Variants in CSNK1D observed in about 807,000 individuals in gnomAD.
CSNK1D encodes casein kinase 1 delta.
A neutral mutation model predicts 46.6 loss-of-function variants in CSNK1D; 16 were observed. The observed-to-expected ratio is 0.34, with a 90% CI of 0.23 to 0.52. The LOEUF is 0.52. CSNK1D is among the 20% of genes least tolerant of loss of function. CSNK1D has a pLI of 0.95. For missense variants in CSNK1D, 398 were observed against 578.4 expected (o/e 0.69, Z 3.20); for synonymous variants, 276 against 228.2 (o/e 1.21, Z -1.89).
Position 82,270,130 on chromosome 17 carries a change from T to C in CSNK1D, c.76+3176A>G, listed in dbSNP as rs993774787. 3.3e-5 allele frequency among the ~76,000 whole-genome samples: 5 copies of C among 152,200 alleles called. No individual in the cohort carries two copies. The South Asian group carries it at 6.2e-4, about 19-fold the overall frequency. On this transcript the variant is annotated intron_variant, in intron 1 of 8. Coordinates refer to ENST00000314028, the MANE Select transcript of CSNK1D (RefSeq NM_001893.6). Reference sequence around the variant, plus strand: ...CTGGCAATCTCAGACTGAAGACAGATTGTTCTTTTTGGGGTCCCACTTTCC... The same window carrying C: ...CTGGCAATCTCAGACTGAAGACAGACTGTTCTTTTTGGGGTCCCACTTTCC...
rs570269696 is a variant in CSNK1D, at chr17:82,243,318, C to T, written c.*1463G>A. Reference sequence around the variant, plus strand: ...AGAGTCCAAAGGGAACATCGTCCATCGTGATGGGGTCCAGCCGAAGTGCCC... The same window carrying T: ...AGAGTCCAAAGGGAACATCGTCCATTGTGATGGGGTCCAGCCGAAGTGCCC... On this transcript the variant is annotated 3_prime_UTR_variant, in exon 9 of 9. Transcript: ENST00000314028. 2.7e-5 allele frequency: 27 copies of T among 985,520 alleles called. No individual in the cohort carries two copies. The East Asian group carries it at 1.5e-3, about 54-fold the overall frequency. 61.0% of individuals were successfully genotyped at this position (985,520 alleles called of 1,614,324 possible). A position where few individuals can be genotyped will look rare whatever the true frequency, so the allele number is the denominator to read the frequency against.
intron 1 of CSNK1D, chr17:82,272,434 G>A (rs1029470649): frequency 6.6e-6 from 1 of 152,144 alleles, no homozygotes; most frequent in East Asian, 1.9e-4. Flanking sequence ...TTGTAAATAT[G>A]ACACAACCCA....
chr17:82,251,650 AC>A lies in CSNK1D; in HGVS notation c.737-124del. Reference sequence around the variant, plus strand: ...AAGGGGAGAAGGACAGATGCAAAACACCTGTCAGATTTCTAAGACCTGAAGC... The same window carrying A: ...AAGGGGAGAAGGACAGATGCAAAACACTGTCAGATTTCTAAGACCTGAAGC... On this transcript the variant is annotated intron_variant, in intron 5 of 8. Coordinates refer to ENST00000314028, the MANE Select transcript of CSNK1D (RefSeq NM_001893.6). The surrounding 1 kb of genome is among the most constrained non-coding windows in gnomAD (Gnocchi z 4.5). 1.0e-6 allele frequency: 1 copy of A among 984,792 alleles called. No homozygotes were observed. The highest frequency in any genetic ancestry group is 1.6e-6 in the Non-Finnish European group (1 of 632,196). 61.0% of individuals were successfully genotyped at this position (984,792 alleles called of 1,614,324 possible).
chr17:82,273,565 G>C lies in CSNK1D; in HGVS notation c.-184C>G. 1.4e-6 allele frequency: 1 copy of C among 703,742 alleles called. No homozygotes were observed. The highest frequency in any genetic ancestry group is 3.0e-5 in the Admixed American group (1 of 33,894). The allele number at this position is 703,742 out of a possible 1,614,324, so 43.6% of individuals were successfully genotyped here. A position where few individuals can be genotyped will look rare whatever the true frequency, so the allele number is the denominator to read the frequency against. On this transcript the variant is annotated 5_prime_UTR_variant, in exon 1 of 9. Coordinates refer to ENST00000314028, the MANE Select transcript of CSNK1D (RefSeq NM_001893.6). The surrounding 1 kb of genome is among the most constrained non-coding windows in gnomAD (Gnocchi z 5.1). The stretch of plus-strand genomic sequence containing the variant: ...CCAGCGCCTCAATACGGGGCGGATG[G>C]GACAGTCCGAGCGCCGCCGCCGCTG...
chr17:82,242,012 G>A (rs1357715246), downstream of CSNK1D, among the ~76,000 whole-genome samples: 1 of 151,826 alleles, frequency 6.6e-6, no homozygotes, highest in Non-Finnish European at 1.5e-5. Context: ...GCGTGACCCT[G>A]GCCAAGGGGC....
intron 8 of CSNK1D, chr17:82,245,432 G>A (rs2050826269): frequency 9.5e-6 from 2 of 211,046 alleles, no homozygotes; most frequent in Non-Finnish European, 9.8e-6. Context: ...GAGACCAAGT[G>A]TGAAAAGAAA....
Position 82,246,230 on chromosome 17 carries a change from C to CCCACTCCTCTTCTGCAATCACTTGCT in CSNK1D, c.1198-1400_1198-1399insAGCAAGTGATTGCAGAAGAGGAGTGG, listed in dbSNP as rs2050847137. On this transcript the variant is annotated intron_variant, in intron 8 of 8. Coordinates refer to ENST00000314028, the MANE Select transcript of CSNK1D (RefSeq NM_001893.6). ...GACGGGCCTCTGGATGAGAGTGGTGCCCACTCCTCTTCTGGAATCACTTGC... is the reference window on the plus strand; with the variant it reads ...GACGGGCCTCTGGATGAGAGTGGTGCCCACTCCTCTTCTGCAATCACTTGCTCCACTCCTCTTCTGGAATCACTTGC... 4.0e-6 allele frequency: 6 copies of CCCACTCCTCTTCTGCAATCACTTGCT among 1,495,236 alleles called. No individual in the cohort carries two copies. The Admixed American group carries it at 1.2e-4, about 31-fold the overall frequency. The allele number at this position is 1,495,236 out of a possible 1,614,324, so 92.6% of individuals were successfully genotyped here. A position where few individuals can be genotyped will look rare whatever the true frequency, so the allele number is the denominator to read the frequency against.
chr17:82,263,351 G>C (rs770576515), intron 2 of CSNK1D, among the ~76,000 whole-genome samples: 4 of 152,208 alleles, frequency 2.6e-5, no homozygotes, highest in Non-Finnish European at 4.4e-5. Context: ...AATCCTATTT[G>C]GTTTCCAGGA....
chr17:82,252,308 T>G lies in CSNK1D; in HGVS notation c.736+126A>C. On this transcript the variant is annotated intron_variant, in intron 5 of 8. Coordinates refer to ENST00000314028, the MANE Select transcript of CSNK1D (RefSeq NM_001893.6). This position sits in a 1 kb window ranked among gnomAD's most constrained non-coding sequence, Gnocchi z 4.6. ...CATACACAAAAGCGCCCCGCTTTCC[T>G]GCCACCACCCCTTTGGAAGGTGAGC... The G allele has an allele frequency of 2.6e-6, 3 of 1,135,170 alleles. No homozygotes were observed. The allele number at this position is 1,135,170 out of a possible 1,614,324, so 70.3% of individuals were successfully genotyped here.
At chr17:82,272,175 T>C (rs2051642483) in intron 1 of CSNK1D, 1 of 152,302 alleles carries the variant, frequency 6.6e-6, no homozygotes, top group African/African-American at 2.4e-5. Flanking sequence ...AGAAACCCCG[T>C]CTCTACTAAA....
In CSNK1D at chr17:82,255,276, T is replaced by C. The variant is rs1184108648; in HGVS notation, c.336+153A>G. 6.6e-6 allele frequency: 6 copies of C among 907,096 alleles called. No homozygotes were observed. The highest frequency in any genetic ancestry group is 1.1e-5 in the Non-Finnish European group (6 of 564,646). 56.2% of individuals were successfully genotyped at this position (907,096 alleles called of 1,614,324 possible). A position where few individuals can be genotyped will look rare whatever the true frequency, so the allele number is the denominator to read the frequency against. ...AGCCACCGGAGCCTCGAGAAGCCAG[T>C]GAGCTGAGCCACTGCAGCCTCAAGG... On this transcript the variant is annotated intron_variant, in intron 3 of 8. Transcript: ENST00000314028. The surrounding 1 kb of genome is among the most constrained non-coding windows in gnomAD (Gnocchi z 5.9).
chr17:82,242,514 G>C (rs999372730), downstream of CSNK1D: 32 of 337,990 alleles, frequency 9.5e-5, no homozygotes, highest in African/African-American at 9.6e-4. Context: ...GCAGGCCCAG[G>C]GGGCAGCTCT....
In CSNK1D at chr17:82,251,140, C is replaced by CG. The variant is rs2050998166; in HGVS notation, c.885+238_885+239insC. 3.8e-6 allele frequency: 2 copies of CG among 526,236 alleles called. No individual in the cohort carries two copies. Among genetic ancestry groups the CG allele is most frequent in the Admixed American group, 6.2e-5 (2 of 32,132 alleles). The allele number at this position is 526,236 out of a possible 1,614,324, so 32.6% of individuals were successfully genotyped here. ...AGGGAGGGAAGGGGCCTCCTGCTGT[C>CG]CACACCCAGGAATTCCATGGACCCC... On this transcript the variant is annotated intron_variant, in intron 6 of 8. Coordinates refer to ENST00000314028, the MANE Select transcript of CSNK1D (RefSeq NM_001893.6). The surrounding 1 kb of genome is among the most constrained non-coding windows in gnomAD (Gnocchi z 4.5).
intron 1 of CSNK1D, among the ~76,000 whole-genome samples, chr17:82,269,238 A>G (rs2051556346): frequency 6.6e-6 from 1 of 152,168 alleles, no homozygotes; most frequent in Admixed American, 6.5e-5. Flanking sequence ...TTGTCAACAA[A>G]AAAAACAGGG....
rs1463600873 is a variant in CSNK1D, at chr17:82,273,460, C to G, written c.-79G>C. ...CTCTGGGAGGCGGCGCCGCTGCTGC[C>G]GCTACTGCGGGTCCGGCTCCCGGCT... On this transcript the variant is annotated 5_prime_UTR_variant, in exon 1 of 9. Transcript: ENST00000314028. The surrounding 1 kb of genome is among the most constrained non-coding windows in gnomAD (Gnocchi z 5.1). 5.8e-6 allele frequency: 9 copies of G among 1,558,226 alleles called. No individual in the cohort carries two copies. Among genetic ancestry groups the G allele is most frequent in the Non-Finnish European group, 7.0e-6 (8 of 1,145,444 alleles).
At chr17:82,260,684 T>A (rs1463314941) in intron 2 of CSNK1D, among the ~76,000 whole-genome samples, 1 of 148,216 alleles carries the variant, frequency 6.7e-6, no homozygotes, top group Non-Finnish European at 1.5e-5. Context: ...CTGACTGATG[T>A]GACTGATGGT....
chr17:82,246,700 C>A, intron 8 of CSNK1D: 9 of 993,656 alleles, frequency 9.1e-6, no homozygotes, highest in Non-Finnish European at 1.1e-5. Flanking sequence ...TGGTCTTCCA[C>A]CCATCCACAC....
Position 82,248,826 on chromosome 17 carries a change from G to A in CSNK1D, c.1197+49C>T, listed in dbSNP as rs752058030. 1.6e-5 allele frequency: 25 copies of A among 1,586,768 alleles called. No individual in the cohort carries two copies. The highest frequency in any genetic ancestry group is 6.9e-5 in the East Asian group (3 of 43,596). On this transcript the variant is annotated intron_variant, in intron 8 of 8. Coordinates refer to ENST00000314028, the MANE Select transcript of CSNK1D (RefSeq NM_001893.6). The surrounding 1 kb of genome is among the most constrained non-coding windows in gnomAD (Gnocchi z 4.1). ...AGAAACCACAGCCCGCTCTTGACTCGGACGGGGTAGCCCGAGGCCCAGCGC... is the reference window on the plus strand; with the variant it reads ...AGAAACCACAGCCCGCTCTTGACTCAGACGGGGTAGCCCGAGGCCCAGCGC...
chr17:82,244,603 T>A lies in CSNK1D; in HGVS notation c.*178A>T. 6.6e-7 allele frequency: 1 copy of A among 1,523,118 alleles called. No homozygotes were observed. The highest frequency in any genetic ancestry group is 8.8e-7 in the Non-Finnish European group (1 of 1,138,084). 94.4% of individuals were successfully genotyped at this position (1,523,118 alleles called of 1,614,324 possible). A position where few individuals can be genotyped will look rare whatever the true frequency, so the allele number is the denominator to read the frequency against. ...GCAGTGCAGCCCCAGCGGTGGCAGC[T>A]CTTGGAGTCTGTCCGTTTAGTATGT... On this transcript the variant is annotated 3_prime_UTR_variant, in exon 9 of 9. Transcript: ENST00000314028.
Sources: gnomAD v4.1 joint callset for allele counts (sites outside exome capture counted in the v4.1 genomes callset) on GRCh38, gnomAD v4.1.1 for gene constraint, Gnocchi (gnomAD v3.1) non-coding constraint, MANE v1.5 for transcripts, NCBI Gene and HGNC (gene_info 2026-07-23, HGNC 2026-07-21) for gene names.